The following CNIH3 variants were observed in gnomAD, a reference collection of about 807,000 sequenced individuals.
CNIH3 encodes protein cornichon homolog 3.
Under a neutral mutation model 24.1 loss-of-function variants are expected in CNIH3, and 14 were observed. The ratio of observed to expected loss-of-function variants is 0.58; its 90% CI spans 0.38 to 0.91. CNIH3 has a LOEUF of 0.91. CNIH3 is among the 40% of genes least tolerant of loss of function. The probability of loss-of-function intolerance (pLI) is 0.00; values close to 1 mark genes in which losing one functional copy is unlikely to be tolerated. For missense variants in CNIH3, 178 were observed against 196.8 expected (o/e 0.90, Z 0.57); for synonymous variants, 68 against 73.8 (o/e 0.92, Z 0.40).
At chr1:224,598,839 C>T (rs1374378745) in intron 3 of CNIH3, among the ~76,000 whole-genome samples, 1 of 152,174 alleles carries the variant, frequency 6.6e-6, no homozygotes, top group Non-Finnish European at 1.5e-5. Context: ...ATAGTATAAA[C>T]ATAACTTATA....
chr1:224,558,146 G>T (rs1316329346), intron 3 of CNIH3, among the ~76,000 whole-genome samples: 2 of 152,128 alleles, frequency 1.3e-5, no homozygotes, highest in Non-Finnish European at 2.9e-5. Flanking sequence ...CCATCTGATG[G>T]CTGGATTGGG....
In CNIH3 at chr1:224,598,623, A is replaced by G. The variant is rs184462750; in HGVS notation, n.402+32359A>G. ...TGTTGTCTTATTTTAGGAAATTGACACAGCCACCCCAACCTTCAGCAACCA... is the reference window on the plus strand; with the variant it reads ...TGTTGTCTTATTTTAGGAAATTGACGCAGCCACCCCAACCTTCAGCAACCA... On this transcript the variant is annotated intron_variant and non_coding_transcript_variant, in intron 3 of 7. Transcript: ENST00000478120. 5.0e-3 allele frequency among the ~76,000 whole-genome samples: 764 copies of G among 152,352 alleles called. 7 individuals are homozygous for G. Among genetic ancestry groups the G allele is most frequent in the African/African-American group, 0.017 (712 of 41,588 alleles).
chr1:224,672,354 G>A (rs1479306369), intron 1 of CNIH3, among the ~76,000 whole-genome samples: 2 of 152,214 alleles, frequency 1.3e-5, no homozygotes, highest in Non-Finnish European at 2.9e-5. Flanking sequence ...GATGACAGCA[G>A]CAGTAGTTTC....
At chr1:224,564,455 G>C (rs565651974) in intron 3 of CNIH3, among the ~76,000 whole-genome samples, 19 of 152,362 alleles carry the variant, frequency 1.2e-4, no homozygotes, top group Non-Finnish European at 2.1e-4. Flanking sequence ...TTTGTCTCCA[G>C]TGCAAGACAA....
intron 3 of CNIH3, among the ~76,000 whole-genome samples, chr1:224,553,656 A>G (rs1680018318): frequency 6.6e-6 from 1 of 151,974 alleles, no homozygotes; most frequent in South Asian, 2.1e-4. Flanking sequence ...GAGAATTAGC[A>G]CTGCAAACAG....
intron 1 of CNIH3, among the ~76,000 whole-genome samples, chr1:224,452,533 G>A (rs927712553): frequency 2.6e-5 from 4 of 151,840 alleles, no homozygotes; most frequent in Non-Finnish European, 5.9e-5. Context: ...TGTAATCCCA[G>A]CACTTTGGGA....
At position 224,465,699 on chromosome 1, in the gene CNIH3, A is replaced by G. The variant is rs1267062664; in HGVS notation, n.203+30837A>G. On this transcript the variant is annotated intron_variant and non_coding_transcript_variant, in intron 1 of 5. Coordinates refer to the CNIH3 transcript ENST00000471578. ...TGCATCCTTCACCCCTCCTCCCTCA[A>G]TGTTGACATTTTGCATAACTACATA... Among the ~76,000 whole-genome samples, 10 of 152,258 alleles carry G rather than the reference A, an allele frequency of 6.6e-5. No homozygotes were observed. The South Asian group carries it at 1.2e-3, about 19-fold the overall frequency.
chr1:224,697,108 A>G (rs1687217216), intron 3 of CNIH3, among the ~76,000 whole-genome samples: 1 of 152,216 alleles, frequency 6.6e-6, no homozygotes. Flanking sequence ...AGGAATTCCC[A>G]CTGCTGAGCA....
chr1:224,544,397 A>T (rs576073197), intron 2 of CNIH3, among the ~76,000 whole-genome samples: 2 of 152,294 alleles, frequency 1.3e-5, no homozygotes, highest in Admixed American at 1.3e-4. Context: ...TCATCATCTC[A>T]TGCACGCCAA....
At chr1:224,653,376 C>T (rs1035912619) in intron 1 of CNIH3, among the ~76,000 whole-genome samples, 2 of 148,496 alleles carry the variant, frequency 1.3e-5, no homozygotes, top group Non-Finnish European at 1.5e-5. Flanking sequence ...GAGCCAAGAT[C>T]GTGCCATTGC....
intron 1 of CNIH3, among the ~76,000 whole-genome samples, chr1:224,675,574 A>G (rs1686097170): frequency 2.6e-5 from 4 of 152,264 alleles, no homozygotes; most frequent in Admixed American, 2.0e-4. Context: ...TACATATTTG[A>G]CAAGGGACTT....
intron 1 of CNIH3, among the ~76,000 whole-genome samples, chr1:224,468,824 C>CA (rs1214427002): frequency 4.2e-3 from 438 of 104,478 alleles, no homozygotes; most frequent in African/African-American, 0.014. Flanking sequence ...GACCCTGTCT[C>CA]AAAAAAAAAA....
At chr1:224,516,742 G>A (rs928964406) in intron 1 of CNIH3, among the ~76,000 whole-genome samples, 9 of 152,202 alleles carry the variant, frequency 5.9e-5, no homozygotes, top group South Asian at 2.1e-4. Context: ...ACAGAACAGC[G>A]CTGAACAGAT....
At chr1:224,727,980 A>C (rs1399740414) in intron 3 of CNIH3, among the ~76,000 whole-genome samples, 1 of 152,108 alleles carries the variant, frequency 6.6e-6, no homozygotes, top group South Asian at 2.1e-4. Context: ...ACAGTGATGA[A>C]TCCTCCCTGC....
At chr1:224,464,711 T>C (rs1676080983) in intron 1 of CNIH3, among the ~76,000 whole-genome samples, 1 of 152,240 alleles carries the variant, frequency 6.6e-6, no homozygotes, top group Non-Finnish European at 1.5e-5. Flanking sequence ...CCACACTGTT[T>C]TGATTCCTGT....
chr1:224,613,786 C>T (rs1572583108), upstream of CNIH3, among the ~76,000 whole-genome samples: 3 of 152,264 alleles, frequency 2.0e-5, no homozygotes, highest in Admixed American at 6.5e-5. Context: ...AGGCCTCCCC[C>T]GAAGCCGAGC....
intron 3 of CNIH3, among the ~76,000 whole-genome samples, chr1:224,606,550 G>C (rs1682432295): frequency 6.6e-6 from 1 of 152,090 alleles, no homozygotes; most frequent in Admixed American, 6.5e-5. Flanking sequence ...GTGGAGCCTG[G>C]AGTTTTTATA....
At chr1:224,538,557 C>T (rs946646602), downstream of CNIH3, among the ~76,000 whole-genome samples, 77 of 152,180 alleles carry the variant, frequency 5.1e-4, no homozygotes, top group African/African-American at 1.8e-3. Context: ...CTCCCAGTAC[C>T]CCATCCTTTA....
chr1:224,541,087 G>A (rs188599936), downstream of CNIH3, among the ~76,000 whole-genome samples: 2 of 152,286 alleles, frequency 1.3e-5, no homozygotes, highest in South Asian at 4.1e-4. Context: ...AAATTCCATT[G>A]CTGTATTGGC....
Sources: gnomAD v4.1 joint callset for allele counts (sites outside exome capture counted in the v4.1 genomes callset) on GRCh38, gnomAD v4.1.1 for gene constraint, MANE v1.5 for transcripts, NCBI Gene and HGNC (gene_info 2026-07-23, HGNC 2026-07-21) for gene names.